Variants in EYS observed in about 807,000 individuals in gnomAD.
EYS encodes EGF-like photoreceptor maintenance factor.
In EYS, 250 loss-of-function variants were observed where a neutral mutation model predicts 282.1. That is an observed-to-expected ratio of 0.89 (90% confidence interval 0.80 to 0.98). The LOEUF (loss-of-function observed/expected upper bound fraction) is 0.98. Among genes scored for constraint, EYS ranks in the 50% least tolerant of loss-of-function variants. EYS has a pLI of 0.00. For synonymous variants in EYS, 1,355 were observed against 1,282.9 expected (o/e 1.06, Z -1.20); for missense variants, 4,016 against 3,709.0 (o/e 1.08, Z -2.15).
chr6:65,134,057 A>C (rs751573390), intron 12 of EYS, among the ~76,000 whole-genome samples: 2 of 152,180 alleles, frequency 1.3e-5, no homozygotes, highest in Non-Finnish European at 2.9e-5. Context: ...AACCACAATG[A>C]GATACCATCA....
At chr6:65,622,612 G>T (rs536136045) in intron 2 of EYS, among the ~76,000 whole-genome samples, 1 of 151,860 alleles carries the variant, frequency 6.6e-6, no homozygotes, top group Non-Finnish European at 1.5e-5. Context: ...TAAATATTTG[G>T]GATACCTGGT....
chr6:64,718,270 G>A (rs570066407), intron 22 of EYS, among the ~76,000 whole-genome samples: 14 of 152,026 alleles, frequency 9.2e-5, no homozygotes, highest in East Asian at 5.8e-4. Flanking sequence ...TCTACCAGCC[G>A]CCTTAGCTGA....
chr6:65,115,947 T>A (rs1422975191), intron 12 of EYS, among the ~76,000 whole-genome samples: 2 of 133,164 alleles, frequency 1.5e-5, no homozygotes, highest in African/African-American at 6.4e-5. Flanking sequence ...ACTATGTCTG[T>A]CTGTCTGTCT....
intron 26 of EYS, among the ~76,000 whole-genome samples, chr6:64,548,957 C>CA (rs1279749637): frequency 6.6e-6 from 1 of 152,212 alleles, no homozygotes; most frequent in East Asian, 1.9e-4. Flanking sequence ...ATCCAAGGAA[C>CA]AGCGTCTACA....
intron 22 of EYS, among the ~76,000 whole-genome samples, chr6:64,681,324 G>A (rs1053084947): frequency 6.6e-6 from 1 of 152,204 alleles, no homozygotes; most frequent in East Asian, 1.9e-4. Flanking sequence ...CTGGTCCCCC[G>A]TGCCCTTTTG....
intron 26 of EYS, among the ~76,000 whole-genome samples, chr6:64,541,738 T>C (rs1310698360): frequency 6.6e-6 from 1 of 152,204 alleles, no homozygotes; most frequent in East Asian, 1.9e-4. Flanking sequence ...TTCATCCTAC[T>C]GAGACATCAT....
At chr6:65,069,355 T>C (rs1293463160) in intron 12 of EYS, among the ~76,000 whole-genome samples, 1 of 152,028 alleles carries the variant, frequency 6.6e-6, no homozygotes, top group East Asian at 1.9e-4. Context: ...ACTCATTTTC[T>C]CCATTTCCTT....
At chr6:63,926,142 A>G (rs753306191) in intron 35 of EYS, among the ~76,000 whole-genome samples, 5 of 152,216 alleles carry the variant, frequency 3.3e-5, no homozygotes, top group African/African-American at 1.2e-4. Flanking sequence ...TAGTTAGATA[A>G]TCTTTCAAAG....
chr6:65,669,126 C>A (rs1768295659), intron 1 of EYS, among the ~76,000 whole-genome samples: 1 of 151,866 alleles, frequency 6.6e-6, no homozygotes, highest in African/African-American at 2.4e-5. Context: ...ATCATTCATG[C>A]AGATAGGAGG....
At chr6:64,955,906 A>T (rs916667196) in intron 14 of EYS, among the ~76,000 whole-genome samples, 2 of 152,136 alleles carry the variant, frequency 1.3e-5, no homozygotes, top group African/African-American at 4.8e-5. Context: ...TGCTTTACAA[A>T]TTCTGCTCTG....
intron 2 of EYS, among the ~76,000 whole-genome samples, chr6:65,576,694 C>A (rs1192759220): frequency 1.3e-5 from 2 of 151,680 alleles, no homozygotes; most frequent in African/African-American, 4.8e-5. Flanking sequence ...AAACTCCATC[C>A]AAAAACTGTT....
chr6:63,899,742 T>A (rs1388033720), intron 35 of EYS, among the ~76,000 whole-genome samples: 1 of 152,184 alleles, frequency 6.6e-6, no homozygotes, highest in East Asian at 1.9e-4. Flanking sequence ...TACTCATGCC[T>A]CTCCCTTGCT....
chr6:65,302,133 T>C (rs1768858173), intron 11 of EYS, among the ~76,000 whole-genome samples: 1 of 152,264 alleles, frequency 6.6e-6, no homozygotes, highest in Non-Finnish European at 1.5e-5. Context: ...TAACTAACCC[T>C]AGCTGTCTCC....
intron 40 of EYS, 107 bp from the exon 41 acceptor site, chr6:63,762,740 G>T: frequency 1.9e-6 from 2 of 1,055,966 alleles, no homozygotes; most frequent in Non-Finnish European, 2.7e-6. Flanking sequence ...AGTTCCAAGA[G>T]ATCAAAATGA....
intron 13 of EYS, among the ~76,000 whole-genome samples, chr6:65,021,671 T>G (rs566410873): frequency 6.6e-6 from 1 of 152,318 alleles, no homozygotes; most frequent in East Asian, 1.9e-4. Flanking sequence ...GAGCAGCACC[T>G]CATTACCCAG....
chr6:63,864,478 A>G (rs1245529955), intron 35 of EYS, 120 bp from the exon 36 acceptor site: 1 of 631,450 alleles, frequency 1.6e-6, no homozygotes, highest in Non-Finnish European at 2.3e-6. Context: ...ATCTTTTCTA[A>G]TAAGTGACTT....
intron 33 of EYS, among the ~76,000 whole-genome samples, chr6:64,015,368 G>A (rs1042602870): frequency 7.9e-5 from 12 of 152,088 alleles, no homozygotes; most frequent in African/African-American, 2.4e-4. Context: ...ACTAAATATT[G>A]CAAGGCTCAT....
At chr6:64,964,360 T>C (rs1770027112) in intron 14 of EYS, among the ~76,000 whole-genome samples, 1 of 152,190 alleles carries the variant, frequency 6.6e-6, no homozygotes, top group Admixed American at 6.5e-5. Flanking sequence ...CATTCCTTAT[T>C]CCTTAAAGGA....
intron 40 of EYS, among the ~76,000 whole-genome samples, chr6:63,767,242 C>T (rs1232130358): frequency 6.6e-6 from 1 of 151,946 alleles, no homozygotes; most frequent in African/African-American, 2.4e-5. Flanking sequence ...AGCAATCAGG[C>T]AAGAGAAAGA....
Sources: allele counts gnomAD v4.1 joint callset (sites outside exome capture counted in the v4.1 genomes callset), GRCh38; gene constraint gnomAD v4.1.1; transcripts MANE v1.5; gene names NCBI Gene and HGNC (gene_info 2026-07-23, HGNC 2026-07-21).